PHTF2: variants seen among roughly 807,000 people sequenced by gnomAD.
The protein encoded by PHTF2 is protein PHTF2.
PHTF2 carries 60 observed loss-of-function variants against 101.2 expected under a neutral mutation model. The ratio of observed to expected loss-of-function variants is 0.59; its 90% CI spans 0.48 to 0.73. The LOEUF (loss-of-function observed/expected upper bound fraction) is 0.73. Ranked by LOEUF, PHTF2 falls within the 30% of genes least tolerant of loss-of-function variation. PHTF2 has a pLI of 0.00. For missense variants in PHTF2, 747 were observed against 908.7 expected, an observed-to-expected ratio of 0.82 and a Z score of 2.29; for synonymous variants, 311 against 307.3, an observed-to-expected ratio of 1.01 and a Z score of -0.13.
rs1415535705 is a variant in PHTF2 at position 77,953,756 on chromosome 7, T to C, written c.2212-13T>C. ...TTTGAATCTGGGACTGACTTTTTTT[T>C]CTCTTCTGCTAGGAGTTGGACAGTC... is the stretch of plus-strand genomic sequence containing the variant. On this transcript the variant is annotated splice_polypyrimidine_tract_variant and intron_variant, in intron 18 of 19. Transcript: ENST00000416283. 7 of 1,604,206 alleles carry C rather than the reference T, an allele frequency of 4.4e-6. No individual in the cohort carries two copies. The East Asian group carries it at 1.1e-4, about 26-fold the overall frequency.
intron 2 of PHTF2, among the ~76,000 whole-genome samples, chr7:77,849,384 C>T (rs1796560344): frequency 6.6e-6 from 1 of 152,012 alleles, no homozygotes; most frequent in Non-Finnish European, 1.5e-5. Context: ...GGTGATCACT[C>T]ACCTCGGCCT....
chr7:77,856,070 A>T (rs997031200), intron 3 of PHTF2, among the ~76,000 whole-genome samples: 2 of 152,178 alleles, frequency 1.3e-5, no homozygotes, highest in African/African-American at 4.8e-5. Flanking sequence ...CCAATAACCT[A>T]AATATGATTT....
In PHTF2 at chr7:77,949,843, C is replaced by G. The variant is rs1371055846; in HGVS notation, c.2115+10C>G. 2 of 1,364,810 alleles carry G rather than the reference C, an allele frequency of 1.5e-6. No individual in the cohort carries two copies. Among genetic ancestry groups the G allele is most frequent in the Non-Finnish European group, 2.0e-6 (2 of 992,626 alleles). The allele number at this position is 1,364,810 out of a possible 1,614,324, so 84.5% of individuals were successfully genotyped here. On this transcript the variant is annotated intron_variant, in intron 17 of 19. Coordinates refer to ENST00000416283, the Ensembl canonical transcript of PHTF2. Reference sequence around the variant, plus strand: ...ATTACTTACTGAACAGGTGAGTGTGCCTACTTATTATGCTACAAATTAATG... The same window carrying G: ...ATTACTTACTGAACAGGTGAGTGTGGCTACTTATTATGCTACAAATTAATG...
intron 1 of PHTF2, among the ~76,000 whole-genome samples, chr7:77,823,307 G>A (rs1194251678): frequency 1.3e-5 from 2 of 151,892 alleles, no homozygotes; most frequent in South Asian, 2.1e-4. Context: ...TGCAACCTCT[G>A]CCTCCCGGGT....
chr7:77,937,690 AAT>A lies in PHTF2; in HGVS notation c.1339-19_1339-18del. On this transcript the variant is annotated intron_variant, in intron 12 of 19. Coordinates refer to ENST00000416283, the Ensembl canonical transcript of PHTF2. ...ATTAAATGTGATCTATATATTTACT[AAT>A]TTTTTTTTTTTTTATAGAGTCATTT... is the stretch of plus-strand genomic sequence containing the variant. 3.0e-6 allele frequency: 3 copies of A among 1,014,002 alleles called. No homozygotes were observed. The highest frequency in any genetic ancestry group is 4.1e-6 in the Non-Finnish European group (3 of 733,338). The allele number at this position is 1,014,002 out of a possible 1,614,324, so 62.8% of individuals were successfully genotyped here. A position where few individuals can be genotyped will look rare whatever the true frequency, so the allele number is the denominator to read the frequency against.
chr7:77,818,568 C>T (rs888376796), intron 1 of PHTF2, among the ~76,000 whole-genome samples: 4 of 152,128 alleles, frequency 2.6e-5, no homozygotes, highest in African/African-American at 9.7e-5. Flanking sequence ...ACTGTAGATA[C>T]ATGGATTGAT....
In PHTF2 at chr7:77,937,700, T is replaced by C; in HGVS notation, c.1339-10T>C. On this transcript the variant is annotated splice_polypyrimidine_tract_variant and intron_variant, in intron 12 of 19. Transcript: ENST00000416283. Reference sequence around the variant, plus strand: ...ATCTATATATTTACTAATTTTTTTTTTTTTTATAGAGTCATTTGCCCTGGC... The same window carrying C: ...ATCTATATATTTACTAATTTTTTTTCTTTTTATAGAGTCATTTGCCCTGGC... 1 of 1,232,570 alleles carries C rather than the reference T, an allele frequency of 8.1e-7. No homozygotes were observed. The highest frequency in any genetic ancestry group is 1.1e-6 in the Non-Finnish European group (1 of 927,884). 76.4% of individuals were successfully genotyped at this position (1,232,570 alleles called of 1,614,324 possible).
At chr7:77,909,945 A>G (rs902564789) in intron 8 of PHTF2, 1 of 200,258 alleles carries the variant, frequency 5.0e-6, no homozygotes, top group African/African-American at 2.3e-5. Flanking sequence ...TCATCTGCAG[A>G]TAAGTGGCAT....
intron 3 of PHTF2, among the ~76,000 whole-genome samples, chr7:77,889,413 A>G (rs1198232252): frequency 6.6e-6 from 1 of 152,146 alleles, no homozygotes; most frequent in African/African-American, 2.4e-5. Flanking sequence ...ATTCATATGT[A>G]AGGGTAATTT....
At chr7:77,884,861 T>C (rs911134955) in intron 3 of PHTF2, among the ~76,000 whole-genome samples, 21 of 152,268 alleles carry the variant, frequency 1.4e-4, no homozygotes, top group African/African-American at 4.3e-4. Flanking sequence ...ATCGTGCCAC[T>C]GCACTCCAGC....
rs530522053 is a variant in PHTF2, at chr7:77,883,704, G to A, written c.148-9904G>A. Among the ~76,000 whole-genome samples the A allele has an allele frequency of 3.9e-5, 6 of 152,170 alleles. No individual in the cohort carries two copies. The South Asian group carries it at 6.2e-4, about 16-fold the overall frequency. ...GAAAAAGACTTTTATCTGCACACCC[G>A]TTTTGGCTTTCTTCTTTGTACCTTC... On this transcript the variant is annotated intron_variant, in intron 3 of 19. Transcript: ENST00000416283.
chr7:77,866,346 T>C (rs191826770), intron 3 of PHTF2, among the ~76,000 whole-genome samples: 2 of 152,302 alleles, frequency 1.3e-5, no homozygotes, highest in South Asian at 2.1e-4. Flanking sequence ...AAACAAGTTA[T>C]ATGATTTCAG....
chr7:77,934,318 A>T (rs1161880296), intron 12 of PHTF2, among the ~76,000 whole-genome samples: 2 of 152,132 alleles, frequency 1.3e-5, no homozygotes, highest in East Asian at 1.9e-4. Context: ...ACAGAAGAAA[A>T]TTTTTCTCCT....
At chr7:77,814,944 G>T (rs980748962) in intron 1 of PHTF2, among the ~76,000 whole-genome samples, 2 of 152,060 alleles carry the variant, frequency 1.3e-5, no homozygotes, top group African/African-American at 4.8e-5. Flanking sequence ...AGACTTGGTG[G>T]CGTGCACCTG....
intron 5 of PHTF2, among the ~76,000 whole-genome samples, chr7:77,900,332 A>AG (rs1801275045): frequency 6.6e-6 from 1 of 152,130 alleles, no homozygotes; most frequent in Non-Finnish European, 1.5e-5. Context: ...CCACACCTTG[A>AG]GGTTCCTTCA....
At chr7:77,950,941 G>T (rs1177238323) in intron 17 of PHTF2, among the ~76,000 whole-genome samples, 1 of 152,156 alleles carries the variant, frequency 6.6e-6, no homozygotes, top group East Asian at 1.9e-4. Context: ...TTTGGTTTGG[G>T]TGTACATTCC....
At chr7:77,811,513 A>AT in intron 1 of PHTF2, among the ~76,000 whole-genome samples, 1 of 152,294 alleles carries the variant, frequency 6.6e-6, no homozygotes, top group African/African-American at 2.4e-5. Context: ...CCAAATGGTG[A>AT]TTTTTATAAT....
intron 3 of PHTF2, among the ~76,000 whole-genome samples, chr7:77,888,350 A>G (rs1316521346): frequency 3.3e-5 from 5 of 152,142 alleles, no homozygotes; most frequent in African/African-American, 1.2e-4. Flanking sequence ...GTCTGACCTC[A>G]AGTGATCTAC....
At chr7:77,922,932 G>A in intron 11 of PHTF2, 154 bp downstream of exon 10, 1 of 1,360,638 alleles carries the variant, frequency 7.3e-7, no homozygotes, top group Non-Finnish European at 9.5e-7. Flanking sequence ...TAAAATAGCA[G>A]TTTTAGGTTT....
Sources: gnomAD v4.1 joint callset for allele counts (sites outside exome capture counted in the v4.1 genomes callset) on GRCh38, gnomAD v4.1.1 for gene constraint, MANE v1.5 for transcripts, NCBI Gene and HGNC (gene_info 2026-07-23, HGNC 2026-07-21) for gene names.